Variants in ACOT7 observed in about 807,000 individuals in gnomAD.
The protein encoded by ACOT7 is cytosolic acyl coenzyme A thioester hydrolase.
ACOT7 carries 12 observed loss-of-function variants against 40.2 expected under a neutral mutation model. The observed-to-expected ratio is 0.30, with a 90% CI of 0.19 to 0.48. The LOEUF (loss-of-function observed/expected upper bound fraction) is 0.48. ACOT7 is among the 20% of genes least tolerant of loss of function. ACOT7 has a pLI of 0.99. For synonymous variants in ACOT7, 228 were observed against 219.5 expected, an observed-to-expected ratio of 1.04 and a Z score of -0.34; for missense variants, 395 against 530.8, an observed-to-expected ratio of 0.74 and a Z score of 2.51.
At chr1:6,317,742 T>TC (rs1263143856) in intron 6 of ACOT7, among the ~76,000 whole-genome samples, 8 of 151,240 alleles carry the variant, frequency 5.3e-5, no homozygotes, top group African/African-American at 1.9e-4. Context: ...TTTTTTTTTT[T>TC]TTTTCTTGAG....
At chr1:6,315,907 G>A (rs1286637008) in intron 6 of ACOT7, among the ~76,000 whole-genome samples, 1 of 152,034 alleles carries the variant, frequency 6.6e-6, no homozygotes, top group Non-Finnish European at 1.5e-5. Flanking sequence ...GCCTGTATCA[G>A]TGAAGCAGCT....
At chr1:6,300,617 C>T (rs1007150308) in intron 6 of ACOT7, among the ~76,000 whole-genome samples, 5 of 147,250 alleles carry the variant, frequency 3.4e-5, no homozygotes, top group African/African-American at 5.0e-5. Flanking sequence ...GGACCCCACC[C>T]GATCCTGACG....
At chr1:6,281,354 T>G in intron 7 of ACOT7, 68 bp from the exon 8 acceptor site, 1 of 1,451,112 alleles carries the variant, frequency 6.9e-7, no homozygotes, top group Admixed American at 1.7e-5. Flanking sequence ...ACACTGGCGT[T>G]TCTGTGGTCA....
Position 6,281,154 on chromosome 1 carries a change from G to A in ACOT7, c.962C>T (p.Thr321Ile). 6.2e-7 allele frequency: 1 copy of A among 1,614,132 alleles called. No individual in the cohort carries two copies. Among genetic ancestry groups the A allele is most frequent in the South Asian group, 1.1e-5 (1 of 91,088 alleles). ...GCCTTCCTGGCTCAGCGACACGTAG[G>A]TGAAGAAGGCACTGGCGGCCCGGTA... The part of the protein sequence containing the change: ...KRYRAASAFF[T>I]YVSLSQEGRS... The change falls in exon 8 of 9, where the codon ACC (threonine) becomes ATC (isoleucine). Residue 321 changes from threonine to isoleucine, a missense_variant. Transcript: ENST00000361521.
At chr1:6,348,997 C>T (rs928223102) in intron 2 of ACOT7, among the ~76,000 whole-genome samples, 11 of 152,184 alleles carry the variant, frequency 7.2e-5, no homozygotes, top group African/African-American at 2.4e-4. Context: ...GTGTGCTGAC[C>T]GAGCCCCATA....
chr1:6,382,153 C>T (rs1354411264), intron 1 of ACOT7, among the ~76,000 whole-genome samples: 1 of 150,252 alleles, frequency 6.7e-6, no homozygotes, highest in Non-Finnish European at 1.5e-5. Flanking sequence ...GTGGCTCACG[C>T]GTGTAATCCC....
chr1:6,339,842 A>C (rs575900478), intron 2 of ACOT7, among the ~76,000 whole-genome samples: 1,414 of 136,554 alleles, frequency 0.01, 16 homozygotes, highest in African/African-American at 0.039. Context: ...CGGGTTCACG[A>C]CATTCTCCTG....
chr1:6,330,412 G>T lies in ACOT7; in HGVS notation c.511-2999C>A, dbSNP rs1277633706. On this transcript the variant is annotated intron_variant, in intron 4 of 8. Transcript: ENST00000361521. The surrounding 1 kb of genome is among the most constrained non-coding windows in gnomAD (Gnocchi z 4.6). ...GGGAGGTTTATACTACGTGGGCCTA[G>T]CGTGTGTTGGGGGGAAGATGGTGCA... 6.6e-6 allele frequency among the ~76,000 whole-genome samples: 1 copy of T among 152,222 alleles called. No homozygotes were observed. The highest frequency in any genetic ancestry group is 1.5e-5 in the Non-Finnish European group (1 of 68,036).
chr1:6,308,668 G>A (rs1571294810), intron 6 of ACOT7, among the ~76,000 whole-genome samples: 1 of 151,654 alleles, frequency 6.6e-6, no homozygotes, highest in Middle Eastern at 3.4e-3. Flanking sequence ...ACAGCAACAG[G>A]CAGAGGGAAC....
rs539739600 is a variant in ACOT7, at chr1:6,282,361, G to C, written c.830-1075C>G. Among the ~76,000 whole-genome samples, 8 of 152,316 alleles carry C rather than the reference G, an allele frequency of 5.3e-5. No individual in the cohort carries two copies. The highest frequency in any genetic ancestry group is 1.9e-4 in the African/African-American group (8 of 41,568). The stretch of plus-strand genomic sequence containing the variant: ...CACCATCGATGTCACTGGCCACCAG[G>C]CTGCAGAAACCCCCGGGGACTTCCG... On this transcript the variant is annotated intron_variant, in intron 7 of 8. Coordinates refer to ENST00000361521, the MANE Select transcript of ACOT7 (RefSeq NM_007274.4). The surrounding 1 kb of genome is among the most constrained non-coding windows in gnomAD (Gnocchi z 4.5).
intron 2 of ACOT7, among the ~76,000 whole-genome samples, chr1:6,343,068 C>T (rs1288701359): frequency 6.6e-5 from 10 of 152,172 alleles, no homozygotes; most frequent in African/African-American, 1.4e-4. Context: ...CTTCCCAGGG[C>T]GGGCAGGGAG....
chr1:6,276,997 C>CA (rs1184951427), intron 8 of ACOT7, among the ~76,000 whole-genome samples: 13 of 152,122 alleles, frequency 8.5e-5, no homozygotes, highest in African/African-American at 3.1e-4. Context: ...ACCACCCCCC[C>CA]CCAGGGTATG....
At chr1:6,318,816 GGCCATCAGT>G (rs149507782) in intron 5 of ACOT7, among the ~76,000 whole-genome samples, 4,176 of 152,222 alleles carry the variant, frequency 0.027, 195 homozygotes, top group African/African-American at 0.095. Flanking sequence ...GACTCTCTGG[GGCCATCAGT>G]GCCCTGCAAG....
In ACOT7 at chr1:6,323,126, G is replaced by A. The variant is rs568819185; in HGVS notation, c.625+4173C>T. Among the ~76,000 whole-genome samples the A allele has an allele frequency of 5.0e-4, 76 of 151,548 alleles. No individual in the cohort carries two copies. The South Asian group carries it at 0.01, about 20-fold the overall frequency. On this transcript the variant is annotated intron_variant, in intron 5 of 8. Transcript: ENST00000361521. ...ACCTGGGCAACAAGAGCAAAACGCCGTCTCAAAAAAAAAAGAAAAACAAAG... is the reference window on the plus strand; with the variant it reads ...ACCTGGGCAACAAGAGCAAAACGCCATCTCAAAAAAAAAAGAAAAACAAAG...
chr1:6,377,221 T>C (rs759177573), intron 1 of ACOT7, among the ~76,000 whole-genome samples: 5 of 151,978 alleles, frequency 3.3e-5, no homozygotes, highest in Non-Finnish European at 7.4e-5. Flanking sequence ...CAATCCTATA[T>C]TCCATTAAAG....
intron 2 of ACOT7, among the ~76,000 whole-genome samples, chr1:6,345,729 C>A (rs1291066821): frequency 1.3e-5 from 2 of 152,230 alleles, no homozygotes; most frequent in African/African-American, 2.4e-5. Flanking sequence ...ATGCAGCTGT[C>A]TGGAAAGCCA....
In ACOT7 at chr1:6,264,525, G is replaced by A. The variant is rs1186622862; in HGVS notation, c.*72C>T. On this transcript the variant is annotated 3_prime_UTR_variant, in exon 9 of 9. Coordinates refer to ENST00000361521, the MANE Select transcript of ACOT7 (RefSeq NM_007274.4). The stretch of plus-strand genomic sequence containing the variant: ...TGAATTGGGTTTTTGGCCAAGGGGG[G>A]AACTTCTAAGTGACTGGACACTGGG... 2 of 1,447,682 alleles carry A rather than the reference G, an allele frequency of 1.4e-6. No individual in the cohort carries two copies. The highest frequency in any genetic ancestry group is 1.3e-5 in the South Asian group (1 of 77,348). The allele number at this position is 1,447,682 out of a possible 1,614,324, so 89.7% of individuals were successfully genotyped here.
At chr1:6,277,625 G>A (rs960636142) in intron 8 of ACOT7, among the ~76,000 whole-genome samples, 2 of 152,208 alleles carry the variant, frequency 1.3e-5, no homozygotes, top group African/African-American at 2.4e-5. Context: ...GGCCCTCGCC[G>A]TTCCCTTCAC....
chr1:6,349,327 G>C (rs1482102265), intron 2 of ACOT7, among the ~76,000 whole-genome samples: 7 of 152,198 alleles, frequency 4.6e-5, no homozygotes, highest in Non-Finnish European at 1.0e-4. Flanking sequence ...ACTTGCTATG[G>C]TGCCATGGCC....
Sources: gnomAD v4.1 joint callset for allele counts (sites outside exome capture counted in the v4.1 genomes callset) on GRCh38, gnomAD v4.1.1 for gene constraint, Gnocchi (gnomAD v3.1) non-coding constraint, MANE v1.5 for transcripts, NCBI Gene and HGNC (gene_info 2026-07-23, HGNC 2026-07-21) for gene names.